The following KCNC2 variants were observed in gnomAD, a reference collection of about 807,000 sequenced individuals.
The protein encoded by KCNC2 is voltage-gated potassium channel KCNC2.
Under a neutral mutation model 44.5 loss-of-function variants are expected in KCNC2, and 21 were observed. That is an observed-to-expected ratio of 0.47 (90% CI 0.33 to 0.68). The LOEUF (loss-of-function observed/expected upper bound fraction) is 0.68, where lower values mean the gene tolerates loss of function less well. Among genes scored for constraint, KCNC2 ranks in the 30% least tolerant of loss-of-function variants. The pLI is 0.01. For synonymous variants in KCNC2, 391 were observed against 339.1 expected, an observed-to-expected ratio of 1.15 and a Z score of -1.68; for missense variants, 589 against 826.2, an observed-to-expected ratio of 0.71 and a Z score of 3.52.
At chr12:75,132,836 T>C (rs1309931764) in intron 2 of KCNC2, among the ~76,000 whole-genome samples, 1 of 152,102 alleles carries the variant, frequency 6.6e-6, no homozygotes, top group African/African-American at 2.4e-5. Context: ...ACTGAAGAAA[T>C]GTAAACTGCA....
intron 2 of KCNC2, among the ~76,000 whole-genome samples, chr12:75,069,094 C>A (rs1883121280): frequency 7.3e-6 from 1 of 136,064 alleles, no homozygotes; most frequent in African/African-American, 2.6e-5. Flanking sequence ...AGAAACATGG[C>A]ACAGGACTAA....
chr12:75,196,981 G>A lies in KCNC2; in HGVS notation c.687+10316C>T, dbSNP rs150297779. 1.6e-3 allele frequency among the ~76,000 whole-genome samples: 237 copies of A among 152,000 alleles called. 1 individual carries two copies. Among genetic ancestry groups the A allele is most frequent in the Non-Finnish European group, 1.4e-3 (98 of 67,940 alleles). Reference sequence around the variant, plus strand: ...TGTATTTGTTTTTTCTGCAGTTGTAGCACAATACTGGCACATAGTGAGCAA... The same window carrying A: ...TGTATTTGTTTTTTCTGCAGTTGTAACACAATACTGGCACATAGTGAGCAA... On this transcript the variant is annotated intron_variant, in intron 2 of 4. Coordinates refer to ENST00000549446, the MANE Select transcript of KCNC2 (RefSeq NM_139137.4).
At position 75,207,784 on chromosome 12, in the gene KCNC2, G is replaced by A. The variant is rs1209434610; in HGVS notation, c.200C>T (p.Ala67Val). 3.8e-6 allele frequency: 6 copies of A among 1,587,868 alleles called. No individual in the cohort carries two copies. The highest frequency in any genetic ancestry group is 3.4e-6 in the Non-Finnish European group (4 of 1,168,730). ...SPPPLSPPPR[A>V]PPLSPGPGGC... is the part of the protein sequence containing the mutation. ...GCCTGGCCCGGGGGACAGCGGGGGCGCTCTCGGCGGCGGCGACAGTGGAGG... is the reference window on the plus strand; with the variant it reads ...GCCTGGCCCGGGGGACAGCGGGGGCACTCTCGGCGGCGGCGACAGTGGAGG... Residue 67 changes from alanine to valine, a missense_variant, in exon 2 of 5, where the codon GCG becomes GTG. This residue lies in a region of KCNC2 where 148 missense variants were observed against 140.1 expected (regional missense o/e 1.06). Coordinates refer to ENST00000549446, the MANE Select transcript of KCNC2 (RefSeq NM_139137.4). The surrounding 1 kb of genome is among the most constrained non-coding windows in gnomAD (Gnocchi z 4.1).
At chr12:75,087,227 G>A (rs889233014) in intron 2 of KCNC2, among the ~76,000 whole-genome samples, 4 of 152,016 alleles carry the variant, frequency 2.6e-5, no homozygotes, top group African/African-American at 9.7e-5. Flanking sequence ...AGGTAGCATT[G>A]GATATGGGGT....
chr12:75,061,506 G>GA (rs374750131), intron 2 of KCNC2, among the ~76,000 whole-genome samples: 81 of 147,640 alleles, frequency 5.5e-4, no homozygotes, highest in African/African-American at 1.6e-3. Context: ...AAAGAAATAG[G>GA]AAAAAATCCA....
intron 2 of KCNC2, among the ~76,000 whole-genome samples, chr12:75,060,771 A>G (rs1368077243): frequency 6.6e-6 from 1 of 152,118 alleles, no homozygotes; most frequent in African/African-American, 2.4e-5. Flanking sequence ...GCATCTGGAC[A>G]TAGAATTTTC....
intron 2 of KCNC2, among the ~76,000 whole-genome samples, chr12:75,158,335 G>A (rs1367298486): frequency 1.3e-5 from 2 of 151,650 alleles, no homozygotes; most frequent in Non-Finnish European, 2.9e-5. Flanking sequence ...ACAGCTTTAT[G>A]GACAATTTTA....
chr12:75,095,204 C>G (rs1166727966), intron 2 of KCNC2, among the ~76,000 whole-genome samples: 2 of 151,946 alleles, frequency 1.3e-5, no homozygotes, highest in South Asian at 2.1e-4. Flanking sequence ...CACCATGCTA[C>G]TGCTTTCATC....
chr12:75,047,615 T>C (rs965567740), intron 4 of KCNC2, among the ~76,000 whole-genome samples: 1 of 152,104 alleles, frequency 6.6e-6, no homozygotes. Context: ...CTGTTCCATA[T>C]GACTGCGGAT....
chr12:75,130,584 A>G (rs1053656675), intron 2 of KCNC2, among the ~76,000 whole-genome samples: 4 of 152,178 alleles, frequency 2.6e-5, no homozygotes, highest in Non-Finnish European at 5.9e-5. Flanking sequence ...AATTATTATA[A>G]CATAGAAAGT....
intron 2 of KCNC2, among the ~76,000 whole-genome samples, chr12:75,071,984 G>A (rs1036898965): frequency 2.4e-5 from 3 of 127,384 alleles, no homozygotes; most frequent in Non-Finnish European, 4.9e-5. Context: ...CTTCATAAAA[G>A]CGAGAGTGAG....
At chr12:75,130,368 G>C (rs1888747347) in intron 2 of KCNC2, among the ~76,000 whole-genome samples, 1 of 151,880 alleles carries the variant, frequency 6.6e-6, no homozygotes, top group South Asian at 2.1e-4. Context: ...TTTTCTACCA[G>C]TCCATAAGCT....
chr12:75,186,858 T>C (rs1892991084), intron 2 of KCNC2, among the ~76,000 whole-genome samples: 1 of 152,204 alleles, frequency 6.6e-6, no homozygotes, highest in Non-Finnish European at 1.5e-5. Flanking sequence ...ACATACAATG[T>C]TGAGCTAAAT....
chr12:75,176,998 C>A (rs1892230140), intron 2 of KCNC2, among the ~76,000 whole-genome samples: 1 of 148,506 alleles, frequency 6.7e-6, no homozygotes, highest in Non-Finnish European at 1.5e-5. Flanking sequence ...ACTGTGTCAA[C>A]ATGAAACTGG....
intron 2 of KCNC2, among the ~76,000 whole-genome samples, chr12:75,146,260 A>G (rs1890022796): frequency 6.6e-6 from 1 of 152,122 alleles, no homozygotes; most frequent in African/African-American, 2.4e-5. Flanking sequence ...TTTATTTTTC[A>G]TCAGAGATAA....
At chr12:75,098,641 C>T (rs1484973457) in intron 2 of KCNC2, among the ~76,000 whole-genome samples, 1 of 152,002 alleles carries the variant, frequency 6.6e-6, no homozygotes, top group African/African-American at 2.4e-5. Context: ...CACCTGTAAT[C>T]CCAGCTGCTT....
Position 75,042,146 on chromosome 12 carries a change from C to A in KCNC2, c.*959G>T. ...ATAAAATAAGGGGGTAAAAAAAAGA[C>A]ACAAGAGCTTTGGGTGATATTTGGC... On this transcript the variant is annotated 3_prime_UTR_variant, in exon 5 of 5. Transcript: ENST00000549446. 8.0e-7 allele frequency: 1 copy of A among 1,253,364 alleles called. No homozygotes were observed. 77.6% of individuals were successfully genotyped at this position (1,253,364 alleles called of 1,614,324 possible). A position where few individuals can be genotyped will look rare whatever the true frequency, so the allele number is the denominator to read the frequency against.
At chr12:75,146,176 G>A (rs1222686967) in intron 2 of KCNC2, among the ~76,000 whole-genome samples, 18 of 152,090 alleles carry the variant, frequency 1.2e-4, no homozygotes, top group African/African-American at 4.1e-4. Flanking sequence ...GGATGGTCTC[G>A]ATCTCCTGAC....
At position 75,051,155 on chromosome 12, in the gene KCNC2, A is replaced by G; in HGVS notation, c.850T>C (p.Tyr284His). 1 of 1,613,814 alleles carries G rather than the reference A, an allele frequency of 6.2e-7. No individual in the cohort carries two copies. Among genetic ancestry groups the G allele is most frequent in the Non-Finnish European group, 8.5e-7 (1 of 1,179,766 alleles). ...CACACCACACACACTCCTTCTACAT[A>G]CGTCAAGGCAGGATCCGTTTCAATT... ...YEIETDPALT[Y>H]VEGVCVVWFT... Residue 284 changes from tyrosine to histidine, a missense_variant, in exon 3 of 5, where the codon TAT becomes CAT. Tyr to His is a moderately conservative substitution (Grantham distance 83). Transcript: ENST00000549446.
Sources: allele counts gnomAD v4.1 joint callset (sites outside exome capture counted in the v4.1 genomes callset), GRCh38; gene constraint gnomAD v4.1.1; regional missense constraint gnomAD v4.1.1; non-coding constraint Gnocchi (gnomAD v3.1); transcripts MANE v1.5; gene names NCBI Gene and HGNC (gene_info 2026-07-23, HGNC 2026-07-21).